TGFBI: variants seen among roughly 807,000 people sequenced by gnomAD.
The protein encoded by TGFBI is transforming growth factor beta induced, also known as transforming growth factor-beta-induced protein ig-h3.
A neutral mutation model predicts 73.7 loss-of-function variants in TGFBI; 50 were observed. The observed-to-expected ratio is 0.68, with a 90% CI of 0.54 to 0.86. TGFBI has a LOEUF of 0.86. Among genes scored for constraint, TGFBI ranks in the 40% least tolerant of loss-of-function variants. The pLI is 0.00. For missense variants in TGFBI, 839 were observed against 877.0 expected, an observed-to-expected ratio of 0.96 and a Z score of 0.55; for synonymous variants, 362 against 360.5, an observed-to-expected ratio of 1.00 and a Z score of -0.05.
chr5:136,050,279 C>T (rs1751511892), intron 7 of TGFBI, among the ~76,000 whole-genome samples: 1 of 151,136 alleles, frequency 6.6e-6, no homozygotes, highest in African/African-American at 2.4e-5. Context: ...TTGCAGTGAG[C>T]CAAGCTTGCA....
Position 136,046,873 on chromosome 5 carries a change from G to A in TGFBI, c.482G>A (p.Ser161Asn), listed in dbSNP as rs1350339436. Reference protein sequence around the residue: ...LPAEVLDSLVSNVNIELLNAL... With the variant: ...LPAEVLDSLVNNVNIELLNAL... Reference sequence around the variant, plus strand: ...TAGGAAGTGCTGGACTCCCTGGTCAGCAATGTCAACATTGAGCTGCTCAAT... The same window carrying A: ...TAGGAAGTGCTGGACTCCCTGGTCAACAATGTCAACATTGAGCTGCTCAAT... Residue 161 changes from serine to asparagine, a missense_variant, in exon 5 of 17, where the codon AGC becomes AAC. Physicochemically the swap from Ser to Asn is conservative, Grantham distance 46. Coordinates refer to ENST00000442011, the MANE Select transcript of TGFBI (RefSeq NM_000358.3). The A allele has an allele frequency of 6.2e-7, 1 of 1,613,600 alleles. No individual in the cohort carries two copies. Among genetic ancestry groups the A allele is most frequent in the South Asian group, 1.1e-5 (1 of 90,996 alleles).
In TGFBI at chr5:136,029,086, G is replaced by T. The variant is rs1443809825; in HGVS notation, c.31G>T (p.Ala11Ser). Residue 11 changes from alanine to serine, a missense_variant, in exon 1 of 17, where the codon GCC becomes TCC. By Grantham distance (99) the Ala-to-Ser change is moderately conservative. Coordinates refer to ENST00000442011, the MANE Select transcript of TGFBI (RefSeq NM_000358.3). MALFVRLLALALALALGPAAT... is the reference protein window; with the variant it reads MALFVRLLALSLALALGPAAT... ...GCTCTTCGTGCGGCTGCTGGCTCTC[G>T]CCCTGGCTCTGGCCCTGGGCCCCGC... The T allele has an allele frequency of 2.6e-6, 4 of 1,527,386 alleles. No individual in the cohort carries two copies. Among genetic ancestry groups the T allele is most frequent in the African/African-American group, 2.8e-5 (2 of 71,322 alleles). 94.6% of individuals were successfully genotyped at this position (1,527,386 alleles called of 1,614,324 possible).
intron 10 of TGFBI, chr5:136,055,152 T>C (rs1751605498): frequency 5.2e-6 from 2 of 381,512 alleles, no homozygotes; most frequent in Non-Finnish European, 9.5e-6. Flanking sequence ...GGGATGGAGT[T>C]CAGACTCTTT....
Position 136,033,776 on chromosome 5 carries a change from G to A in TGFBI, c.148G>A (p.Ala50Thr), listed in dbSNP as rs1360871776. 4 of 1,613,898 alleles carry A rather than the reference G, an allele frequency of 2.5e-6. No homozygotes were observed. The highest frequency in any genetic ancestry group is 3.4e-6 in the Non-Finnish European group (4 of 1,179,830). ...RGRQHGPNVC[A>T]VQKVIGTNRK... ...TTTTGTTTTCAGCCCCAACGTGTGT[G>A]CTGTGCAGAAGGTTATTGGCACTAA... The change falls in exon 2 of 17, where the codon GCT (alanine) becomes ACT (threonine). Residue 50 changes from alanine (A) to threonine (T), a missense_variant. Coordinates refer to ENST00000442011, the MANE Select transcript of TGFBI (RefSeq NM_000358.3).
At position 136,049,502 on chromosome 5, in the gene TGFBI, GC is replaced by G; in HGVS notation, c.839del (p.Pro280ArgfsTer14). On this transcript the variant is annotated frameshift_variant, in exon 7 of 17. Transcript: ENST00000442011. LOFTEE classifies it high-confidence loss of function. ...AGGTAACGGCCAGTACACGCTTTTG[GC>G]CCCGACCAATGAGGCCTTCGAGAAG... is the stretch of plus-strand genomic sequence containing the variant. ...LEGNGQYTLLAPTNEAFEKIP... is the reference protein window; with the variant it reads ...LEGNGQYTLLXPTNEAFEKIP... 1 of 1,613,996 alleles carries G rather than the reference GC, an allele frequency of 6.2e-7. No homozygotes were observed. The highest frequency in any genetic ancestry group is 8.5e-7 in the Non-Finnish European group (1 of 1,179,890).
intron 8 of TGFBI, among the ~76,000 whole-genome samples, chr5:136,053,693 A>G (rs1373729483): frequency 6.6e-6 from 1 of 152,214 alleles, no homozygotes; most frequent in African/African-American, 2.4e-5. Context: ...CAAGCAGCCC[A>G]CAGGGCCTGG....
At position 136,063,194 on chromosome 5, in the gene TGFBI, T is replaced by C. The variant is rs763254285; in HGVS notation, c.2020T>C (p.Tyr674His). 1 of 1,613,816 alleles carries C rather than the reference T, an allele frequency of 6.2e-7. No individual in the cohort carries two copies. ...SQRSVRLAPV[Y>H]QKLLERMKH is the part of the protein sequence containing the mutation. ...CAACTTCTCTTTTTCAGCCCCTGTCTATCAAAAGTTATTAGAGAGGATGAA... is the reference window on the plus strand; with the variant it reads ...CAACTTCTCTTTTTCAGCCCCTGTCCATCAAAAGTTATTAGAGAGGATGAA... Residue 674 changes from tyrosine to histidine, a missense_variant, in exon 17 of 17, where the codon TAT (tyrosine) becomes CAT (histidine). Physicochemically the swap from Tyr to His is moderately conservative, Grantham distance 83. Transcript: ENST00000442011.
rs918037787 is a variant in TGFBI at position 136,063,333 on chromosome 5, T to C, written c.*107T>C. On this transcript the variant is annotated 3_prime_UTR_variant, in exon 17 of 17. Coordinates refer to ENST00000442011, the MANE Select transcript of TGFBI (RefSeq NM_000358.3). ...TTCAAAACCAAGTATCACACTTTAA[T>C]GTACATGGGCCGCACCATAATGAGA... 15 of 1,005,264 alleles carry C rather than the reference T, an allele frequency of 1.5e-5. No homozygotes were observed. Among genetic ancestry groups the C allele is most frequent in the African/African-American group, 1.3e-4 (8 of 62,852 alleles). The allele number at this position is 1,005,264 out of a possible 1,614,324, so 62.3% of individuals were successfully genotyped here.
chr5:136,055,648 G>C, intron 10 of TGFBI, 32 bp from the exon 11 acceptor site: 1 of 1,547,672 alleles, frequency 6.5e-7, no homozygotes. Context: ...AGTATAACCA[G>C]TCCTTTCTTT....
intron 11 of TGFBI, 61 bp from the exon 12 acceptor site, chr5:136,056,604 G>A: frequency 6.2e-7 from 1 of 1,602,448 alleles, no homozygotes; most frequent in African/African-American, 1.3e-5. Flanking sequence ...CTCTCAGCGT[G>A]GTGAGGTATT....
At chr5:136,037,488 G>C (rs1242277046) in intron 2 of TGFBI, among the ~76,000 whole-genome samples, 1 of 152,276 alleles carries the variant, frequency 6.6e-6, no homozygotes, top group African/African-American at 2.4e-5. Context: ...CCAGGGAGAG[G>C]AGGCCTATTT....
Position 136,063,401 on chromosome 5 carries a change from T to C in TGFBI, c.*175T>C. ...TGGGGGAGGAGGGAGAGAGATGTAC[T>C]TTTTAAATCATGTTCCCCCTAAACA... On this transcript the variant is annotated 3_prime_UTR_variant, in exon 17 of 17. Coordinates refer to ENST00000442011, the MANE Select transcript of TGFBI (RefSeq NM_000358.3). 1.6e-6 allele frequency: 1 copy of C among 621,210 alleles called. No individual in the cohort carries two copies. Among genetic ancestry groups the C allele is most frequent in the East Asian group, 2.8e-5 (1 of 35,454 alleles). 38.5% of individuals were successfully genotyped at this position (621,210 alleles called of 1,614,324 possible).
chr5:136,057,311 A>G (rs1751666487), intron 12 of TGFBI, among the ~76,000 whole-genome samples: 1 of 152,202 alleles, frequency 6.6e-6, no homozygotes, highest in African/African-American at 2.4e-5. Context: ...CACGTTTCCC[A>G]CTGGAGACCT....
chr5:136,062,041 C>T (rs116011704), intron 15 of TGFBI, among the ~76,000 whole-genome samples: 2,316 of 152,246 alleles, frequency 0.015, 64 homozygotes, highest in African/African-American at 0.054. Context: ...ATACTGGGCT[C>T]GCTATGTGTG....
intron 7 of TGFBI, among the ~76,000 whole-genome samples, chr5:136,050,209 T>C (rs1304723901): frequency 1.3e-5 from 2 of 151,980 alleles, no homozygotes; most frequent in Non-Finnish European, 2.9e-5. Flanking sequence ...GGTGGGCACC[T>C]GTAATCCCAG....
At chr5:136,039,037 A>G (rs1040113247) in intron 2 of TGFBI, among the ~76,000 whole-genome samples, 1 of 152,162 alleles carries the variant, frequency 6.6e-6, no homozygotes, top group East Asian at 1.9e-4. Flanking sequence ...TGACTTATAG[A>G]TGCATTTTTC....
chr5:136,055,013 A>G (rs1751602820), intron 10 of TGFBI, 152 bp downstream of exon 10: 2 of 929,150 alleles, frequency 2.2e-6, no homozygotes, highest in African/African-American at 3.3e-5. Context: ...ATAGATAACA[A>G]AATGAGATCC....
intron 2 of TGFBI, among the ~76,000 whole-genome samples, chr5:136,043,518 A>G (rs1450393926): frequency 6.6e-6 from 1 of 152,204 alleles, no homozygotes; most frequent in African/African-American, 2.4e-5. Context: ...CTCTTTGGCT[A>G]TTCAATCAGA....
chr5:136,055,870 G>C, intron 11 of TGFBI, 54 bp downstream of exon 11: 1 of 1,531,476 alleles, frequency 6.5e-7, no homozygotes, highest in Non-Finnish European at 8.9e-7. Flanking sequence ...TGCTGGAGTG[G>C]GATGTGGGGC....
Sources: gnomAD v4.1 joint callset for allele counts (sites outside exome capture counted in the v4.1 genomes callset) on GRCh38, gnomAD v4.1.1 for gene constraint, MANE v1.5 for transcripts, NCBI Gene and HGNC (gene_info 2026-07-23, HGNC 2026-07-21) for gene names.